The following NRG1 variants were observed in gnomAD, a reference collection of about 807,000 sequenced individuals.
NRG1 encodes the protein neuregulin 1, also known as pro-neuregulin-1, membrane-bound isoform.
NRG1 carries 18 observed loss-of-function variants against 63.8 expected under a neutral mutation model. The observed-to-expected ratio is 0.28, with a 90% CI of 0.19 to 0.42. The LOEUF is 0.42. NRG1 is among the 10% of genes least tolerant of loss of function. The pLI is 1.00. For synonymous variants in NRG1, 302 were observed against 301.3 expected (o/e 1.00, Z -0.02); for missense variants, 762 against 814.7 (o/e 0.94, Z 0.79).
intron 1 of NRG1, among the ~76,000 whole-genome samples, chr8:31,938,022 T>C (rs866968889): frequency 4.6e-5 from 7 of 152,184 alleles, no homozygotes; most frequent in Middle Eastern, 6.8e-3. Context: ...CAACCAGATG[T>C]CCCTAGGGCA....
intron 1 of NRG1, among the ~76,000 whole-genome samples, chr8:31,778,967 TCTTCCACTTATTTCCTTAA>T (rs1464981426): frequency 6.6e-6 from 1 of 152,210 alleles, no homozygotes; most frequent in Non-Finnish European, 1.5e-5. Flanking sequence ...CTTACCAGTG[TCTTCCACTTATTTCCTTAA>T]CTTCAGATGC....
chr8:32,656,577 C>T (rs1447368858), intron 5 of NRG1, among the ~76,000 whole-genome samples: 1 of 152,044 alleles, frequency 6.6e-6, no homozygotes, highest in Non-Finnish European at 1.5e-5. Flanking sequence ...TAGTAGTGGG[C>T]ATAATATATG....
chr8:31,946,301 T>C (rs1418418728), intron 1 of NRG1, among the ~76,000 whole-genome samples: 2 of 152,202 alleles, frequency 1.3e-5, no homozygotes, highest in Admixed American at 6.5e-5. Flanking sequence ...TTTTAAAACC[T>C]GTACTATAGA....
chr8:32,435,303 C>T (rs1818648525), intron 1 of NRG1, among the ~76,000 whole-genome samples: 1 of 152,052 alleles, frequency 6.6e-6, no homozygotes, highest in Non-Finnish European at 1.5e-5. Context: ...AAAGAGTTCT[C>T]AAAAAATTTC....
intron 1 of NRG1, among the ~76,000 whole-genome samples, chr8:32,333,270 C>A (rs1208919765): frequency 1.3e-5 from 2 of 152,174 alleles, no homozygotes; most frequent in African/African-American, 4.8e-5. Context: ...TTGCTTTGCT[C>A]ACTCAGCAGT....
intron 1 of NRG1, among the ~76,000 whole-genome samples, chr8:31,900,247 T>C (rs1831960398): frequency 6.6e-6 from 1 of 152,190 alleles, no homozygotes; most frequent in South Asian, 2.1e-4. Context: ...ACTGTCATCC[T>C]AGGTAGTGAT....
chr8:32,154,675 T>G (rs1470275409), intron 1 of NRG1, among the ~76,000 whole-genome samples: 5 of 152,222 alleles, frequency 3.3e-5, no homozygotes, highest in African/African-American at 9.7e-5. Context: ...TTCCACTTGC[T>G]CTGCCAGTTA....
intron 1 of NRG1, among the ~76,000 whole-genome samples, chr8:32,367,960 T>A (rs1010884603): frequency 1.3e-5 from 2 of 152,190 alleles, no homozygotes; most frequent in Non-Finnish European, 2.9e-5. Context: ...TCAGTGCCTT[T>A]GTCAAAAATC....
At chr8:32,492,397 C>T (rs1191267449) in intron 1 of NRG1, among the ~76,000 whole-genome samples, 1 of 148,710 alleles carries the variant, frequency 6.7e-6, no homozygotes, top group African/African-American at 2.5e-5. Flanking sequence ...TAGAATTTTG[C>T]TTTTGCCTCT....
At position 32,645,866 on chromosome 8, in the gene NRG1, G is replaced by T. The variant is rs149622121; in HGVS notation, c.502+28981G>T. Among the ~76,000 whole-genome samples, 14 of 152,180 alleles carry T rather than the reference G, an allele frequency of 9.2e-5. No individual in the cohort carries two copies. In the East Asian group the frequency reaches 2.7e-3, roughly 29 times the overall value. ...TATTAAGAACAGTGCATTTCTTCTA[G>T]TGTTTTAATGACTGTTGTTTTAAAA... On this transcript the variant is annotated intron_variant, in intron 5 of 11. Coordinates refer to ENST00000356819, the Ensembl canonical transcript of NRG1.
chr8:32,770,837 C>G (rs1050853166), downstream of NRG1, among the ~76,000 whole-genome samples: 4 of 152,122 alleles, frequency 2.6e-5, no homozygotes, highest in African/African-American at 9.7e-5. Context: ...TGTAAGGAAG[C>G]CTGAAAGTGT....
At chr8:32,574,997 T>A (rs1163884023) in intron 1 of NRG1, among the ~76,000 whole-genome samples, 1 of 152,180 alleles carries the variant, frequency 6.6e-6, no homozygotes, top group Non-Finnish European at 1.5e-5. Flanking sequence ...TTCAGGGAAC[T>A]CCAGATGACT....
intron 1 of NRG1, among the ~76,000 whole-genome samples, chr8:32,239,924 G>A (rs539898924): frequency 6.6e-6 from 1 of 152,196 alleles, no homozygotes; most frequent in Non-Finnish European, 1.5e-5. Flanking sequence ...TGGAGAGGAT[G>A]TGGAGAAACT....
chr8:32,113,519 C>T (rs754139743), intron 1 of NRG1, among the ~76,000 whole-genome samples: 1 of 152,172 alleles, frequency 6.6e-6, no homozygotes, highest in Non-Finnish European at 1.5e-5. Context: ...CCTGATATAA[C>T]TAATATCTTG....
chr8:31,643,104 G>C (rs1803961088), intron 1 of NRG1, among the ~76,000 whole-genome samples: 1 of 152,104 alleles, frequency 6.6e-6, no homozygotes. Context: ...GGAAAAGAGA[G>C]AGAGAGAGAG....
intron 1 of NRG1, among the ~76,000 whole-genome samples, chr8:31,998,821 T>C (rs1320599823): frequency 2.0e-5 from 3 of 152,026 alleles, no homozygotes; most frequent in African/African-American, 7.2e-5. Flanking sequence ...TATTTATATC[T>C]ACTTTTGTGA....
intron 1 of NRG1, among the ~76,000 whole-genome samples, chr8:32,407,677 A>G (rs1814282714): frequency 6.6e-6 from 1 of 152,146 alleles, no homozygotes; most frequent in Non-Finnish European, 1.5e-5. Flanking sequence ...TATGTCCAAC[A>G]CTGCCATACA....
chr8:31,794,323 C>T (rs568073445), intron 1 of NRG1, among the ~76,000 whole-genome samples: 41 of 152,022 alleles, frequency 2.7e-4, no homozygotes, highest in African/African-American at 8.2e-4. Context: ...AAACCAGGGA[C>T]GGGCTATTTC....
At chr8:32,333,642 A>G (rs1009193863) in intron 1 of NRG1, among the ~76,000 whole-genome samples, 2 of 152,202 alleles carry the variant, frequency 1.3e-5, no homozygotes, top group Non-Finnish European at 2.9e-5. Flanking sequence ...TTAAAGTTAA[A>G]TGATTGTCTT....
Sources: gnomAD v4.1 joint callset for allele counts (sites outside exome capture counted in the v4.1 genomes callset) on GRCh38, gnomAD v4.1.1 for gene constraint, MANE v1.5 for transcripts, NCBI Gene and HGNC (gene_info 2026-07-23, HGNC 2026-07-21) for gene names.